Variants in LYRM4 observed in about 807,000 individuals in gnomAD.
The protein encoded by LYRM4 is LYR motif-containing protein 4.
A neutral mutation model predicts 11.7 loss-of-function variants in LYRM4; 9 were observed. That is an observed-to-expected ratio of 0.77 (90% confidence interval 0.46 to 1.34). The LOEUF is 1.34. Ranked by LOEUF, LYRM4 falls within the 40% of genes most tolerant of loss-of-function variation. The pLI is 0.00. For missense variants in LYRM4, 133 were observed against 112.5 expected (o/e 1.18, Z -0.82); for synonymous variants, 42 against 40.4 (o/e 1.04, Z -0.15).
At chr6:5,040,459 TG>T in the LYRM4 span, among the ~76,000 whole-genome samples, 5 of 151,254 alleles carry the variant, frequency 3.3e-5, no homozygotes, top group Admixed American at 6.6e-5. Context: ...CTCAGCATTT[TG>T]GGAGGCCCAA....
intron 2 of LYRM4, among the ~76,000 whole-genome samples, chr6:5,167,304 C>CA (rs1482927331): frequency 6.6e-6 from 1 of 152,156 alleles, no homozygotes; most frequent in African/African-American, 2.4e-5. Context: ...TCACCCTCCC[C>CA]AAAGATAATC....
At chr6:5,110,352 C>T (rs1762824071) in intron 2 of LYRM4, among the ~76,000 whole-genome samples, 1 of 121,900 alleles carries the variant, frequency 8.2e-6, no homozygotes, top group Non-Finnish European at 1.8e-5. Flanking sequence ...CCTCCCCGAT[C>T]TTAGTGCTCT....
At chr6:5,102,174 C>G (rs1762526727), downstream of LYRM4, among the ~76,000 whole-genome samples, 1 of 151,652 alleles carries the variant, frequency 6.6e-6, no homozygotes, top group African/African-American at 2.4e-5. Flanking sequence ...GGACAAGCTT[C>G]TATTTATACA....
chr6:5,243,277 C>A (rs962043013), intron 1 of LYRM4, among the ~76,000 whole-genome samples: 1 of 152,200 alleles, frequency 6.6e-6, no homozygotes, highest in Non-Finnish European at 1.5e-5. Context: ...ATGCCCGGGG[C>A]GCACAGCGTG....
At chr6:5,085,604 A>C in the LYRM4 span, 1 of 1,547,180 alleles carries the variant, frequency 6.5e-7, no homozygotes, top group Non-Finnish European at 8.7e-7. Context: ...GGTGGCGGCG[A>C]CGGCGGTGGC....
the LYRM4 span, chr6:5,054,515 A>G: frequency 0.21 from 32,782 of 153,702 alleles, 5,716 homozygotes; most frequent in African/African-American, 0.48. Flanking sequence ...TGGTAACAGC[A>G]TTATTCTACA....
intron 2 of LYRM4, among the ~76,000 whole-genome samples, chr6:5,154,691 C>T (rs1166222250): frequency 6.6e-6 from 1 of 152,094 alleles, no homozygotes; most frequent in Non-Finnish European, 1.5e-5. Context: ...TGGTGTCACG[C>T]GCCTGTAGTC....
chr6:5,096,319 A>G, the LYRM4 span, among the ~76,000 whole-genome samples: 1 of 152,206 alleles, frequency 6.6e-6, no homozygotes, highest in Non-Finnish European at 1.5e-5. Flanking sequence ...GTGAGACCCT[A>G]TATCTACAAA....
chr6:5,156,349 G>A (rs1466625120), intron 2 of LYRM4, among the ~76,000 whole-genome samples: 2 of 152,208 alleles, frequency 1.3e-5, no homozygotes, highest in Non-Finnish European at 2.9e-5. Flanking sequence ...CCTGCTAATG[G>A]TCCAGGTCTT....
chr6:5,238,881 T>C (rs1763702363), intron 1 of LYRM4, among the ~76,000 whole-genome samples: 1 of 152,232 alleles, frequency 6.6e-6, no homozygotes, highest in Non-Finnish European at 1.5e-5. Flanking sequence ...GACTATTAAC[T>C]GGGCTCTCAT....
At chr6:5,177,631 A>G (rs554047542) in intron 2 of LYRM4, among the ~76,000 whole-genome samples, 27 of 152,284 alleles carry the variant, frequency 1.8e-4, no homozygotes, top group Non-Finnish European at 3.2e-4. Flanking sequence ...TAATCCTTTT[A>G]GCTACAGCTG....
At chr6:5,162,304 AC>A (rs1758806153) in intron 2 of LYRM4, among the ~76,000 whole-genome samples, 1 of 152,112 alleles carries the variant, frequency 6.6e-6, no homozygotes, top group Non-Finnish European at 1.5e-5. Flanking sequence ...CATTTCATTT[AC>A]CTTATTTTTA....
At chr6:5,074,007 A>G in the LYRM4 span, among the ~76,000 whole-genome samples, 1 of 152,098 alleles carries the variant, frequency 6.6e-6, no homozygotes, top group African/African-American at 2.4e-5. Context: ...AACACCACCA[A>G]TGCCTCAGCT....
intron 1 of LYRM4, among the ~76,000 whole-genome samples, chr6:5,243,671 A>G (rs1407819700): frequency 6.6e-6 from 1 of 152,226 alleles, no homozygotes; most frequent in African/African-American, 2.4e-5. Flanking sequence ...TAATATTACC[A>G]GAAGACTATA....
In LYRM4 at chr6:5,220,129, A is replaced by G. The variant is rs138578499; in HGVS notation, c.87-3391T>C. Among the ~76,000 whole-genome samples the G allele has an allele frequency of 7.9e-4, 120 of 152,200 alleles. 1 individual carries two copies. The highest frequency in any genetic ancestry group is 2.7e-3 in the African/African-American group (111 of 41,516). On this transcript the variant is annotated intron_variant, in intron 1 of 2. Transcript: ENST00000330636. ...TCTCAAGTGCCCACAGGTTCTTTTTACCATTGCAAGGATTATACTCTTTTC... is the reference window on the plus strand; with the variant it reads ...TCTCAAGTGCCCACAGGTTCTTTTTGCCATTGCAAGGATTATACTCTTTTC...
At chr6:5,243,219 T>C (rs1763989991) in intron 1 of LYRM4, among the ~76,000 whole-genome samples, 2 of 152,334 alleles carry the variant, frequency 1.3e-5, no homozygotes, top group East Asian at 1.9e-4. Flanking sequence ...TTCTTTTATT[T>C]GCAGTGCCCC....
chr6:5,122,314 C>T (rs906105279), intron 2 of LYRM4, among the ~76,000 whole-genome samples: 5 of 152,098 alleles, frequency 3.3e-5, no homozygotes, highest in African/African-American at 4.8e-5. Context: ...TTCCAGATGG[C>T]GGGTAGCATT....
At chr6:5,173,806 C>A (rs557179939) in intron 2 of LYRM4, among the ~76,000 whole-genome samples, 2 of 152,224 alleles carry the variant, frequency 1.3e-5, no homozygotes, top group African/African-American at 2.4e-5. Context: ...TGAATTAATG[C>A]GGTGGGTTTT....
intron 2 of LYRM4, among the ~76,000 whole-genome samples, chr6:5,164,967 C>CAAAAA (rs34814956): frequency 9.5e-6 from 1 of 105,090 alleles, no homozygotes; most frequent in Non-Finnish European, 1.8e-5. Flanking sequence ...GACTGTGTCT[C>CAAAAA]AAAAAAAAAA....
Sources: allele counts gnomAD v4.1 joint callset (sites outside exome capture counted in the v4.1 genomes callset), GRCh38; gene constraint gnomAD v4.1.1; transcripts MANE v1.5; gene names NCBI Gene and HGNC (gene_info 2026-07-23, HGNC 2026-07-21).